Variants in RREB1 observed in about 807,000 individuals in gnomAD.
RREB1 encodes ras-responsive element-binding protein 1.
A neutral mutation model predicts 117.8 loss-of-function variants in RREB1; 27 were observed. The observed-to-expected ratio is 0.23, with a 90% confidence interval of 0.17 to 0.32. RREB1 has a LOEUF of 0.32. RREB1 is among the 10% of genes least tolerant of loss of function. The probability of loss-of-function intolerance (pLI) is 1.00; values close to 1 mark genes in which losing one functional copy is unlikely to be tolerated. For synonymous variants in RREB1, 1,298 were observed against 1,026.7 expected (o/e 1.26, Z -5.05); for missense variants, 2,577 against 2,378.2 (o/e 1.08, Z -1.74).
At position 7,229,731 on chromosome 6, in the gene RREB1, A is replaced by G. The variant is rs781220872; in HGVS notation, c.1632A>G (p.Pro544=). The part of the protein sequence containing the change: ...SPGCISPSLP[P]PPLKLLKGSV... Reference sequence around the variant, plus strand: ...GCTGTATCAGCCCCAGCCTGCCGCCACCGCCCCTGAAGCTCCTCAAAGGCT... The same window carrying G: ...GCTGTATCAGCCCCAGCCTGCCGCCGCCGCCCCTGAAGCTCCTCAAAGGCT... The change falls in exon 10 of 13, where the codon CCA becomes CCG. Residue 544 remains proline (P), a synonymous_variant. Transcript: ENST00000379938. The surrounding 1 kb of genome is among the most constrained non-coding windows in gnomAD (Gnocchi z 4.5). 4.4e-6 allele frequency: 7 copies of G among 1,600,420 alleles called. No homozygotes were observed. The South Asian group carries it at 6.6e-5, about 15-fold the overall frequency.
chr6:7,247,001 C>G lies in RREB1; in HGVS notation c.4551C>G (p.Ala1517=), dbSNP rs200322973. The G allele has an allele frequency of 8.7e-6, 14 of 1,602,780 alleles. No individual in the cohort carries two copies. Among genetic ancestry groups the G allele is most frequent in the Non-Finnish European group, 1.2e-5 (14 of 1,175,074 alleles). The part of the protein sequence containing the change: ...VVESAPGAGE[A]PAEKLAEETE... The stretch of plus-strand genomic sequence containing the variant: ...AGTCGGCCCCGGGTGCCGGGGAGGC[C>G]CCGGCGGAAAAGCTCGCGGAGGAGA... The change falls in exon 12 of 13, where the codon GCC becomes GCG. Residue 1517 remains alanine (A), a synonymous_variant. Coordinates refer to ENST00000379938, the MANE Select transcript of RREB1 (RefSeq NM_001003699.4).
chr6:7,181,105 G>A lies in RREB1; in HGVS notation c.-165-19G>A. The A allele has an allele frequency of 2.5e-6, 1 of 398,350 alleles. No individual in the cohort carries two copies. Among genetic ancestry groups the A allele is most frequent in the Non-Finnish European group, 4.4e-6 (1 of 225,940 alleles). The allele number at this position is 398,350 out of a possible 1,614,324, so 24.7% of individuals were successfully genotyped here. ...CTAAGTGAAAAGATGTTCACTTTGG[G>A]CCTTTGCTTCCCTTCCAGTGTCAAC... On this transcript the variant is annotated intron_variant, in intron 2 of 12. Coordinates refer to ENST00000379938, the MANE Select transcript of RREB1 (RefSeq NM_001003699.4).
chr6:7,126,529 A>G (rs993695476), intron 1 of RREB1, among the ~76,000 whole-genome samples: 3 of 152,182 alleles, frequency 2.0e-5, no homozygotes, highest in Admixed American at 2.0e-4. Flanking sequence ...TCCGCCTCCC[A>G]AAGTGCTGGG....
intron 1 of RREB1, among the ~76,000 whole-genome samples, chr6:7,116,286 G>A (rs1325265296): frequency 6.6e-6 from 1 of 152,056 alleles, no homozygotes; most frequent in African/African-American, 2.4e-5. Context: ...ACTGCCTCCT[G>A]TTGCCTGGAT....
rs1769089887 is a variant in RREB1, at chr6:7,246,832, G to T, written c.4382G>T (p.Gly1461Val). The T allele has an allele frequency of 6.4e-7, 1 of 1,553,318 alleles. No homozygotes were observed. The highest frequency in any genetic ancestry group is 2.4e-5 in the East Asian group (1 of 41,328). The change falls in exon 12 of 13, where the codon GGC becomes GTC. Residue 1461 changes from glycine (G) to valine (V), a missense_variant. Coordinates refer to ENST00000379938, the MANE Select transcript of RREB1 (RefSeq NM_001003699.4). The part of the protein sequence containing the change: ...DTCGKSFKFL[G>V]TLSRHRKAHG... ...TGTGGGAAGAGCTTCAAGTTCCTGG[G>T]CACCCTGAGCCGCCACCGGAAGGCG...
intron 6 of RREB1, among the ~76,000 whole-genome samples, chr6:7,207,074 A>C (rs1218500305): frequency 6.6e-6 from 1 of 152,216 alleles, no homozygotes; most frequent in Admixed American, 6.5e-5. Context: ...ATGGAAAATA[A>C]GAGAGCAAGA....
intron 1 of RREB1, among the ~76,000 whole-genome samples, chr6:7,110,664 A>G (rs1761098082): frequency 6.6e-6 from 1 of 152,236 alleles, no homozygotes; most frequent in East Asian, 1.9e-4. Flanking sequence ...TTACAAAAGA[A>G]AAGGAGAGAA....
At chr6:7,222,252 C>T (rs1767307474) in intron 8 of RREB1, among the ~76,000 whole-genome samples, 1 of 152,116 alleles carries the variant, frequency 6.6e-6, no homozygotes, top group Admixed American at 6.5e-5. Context: ...ATTCTTAGGC[C>T]CATCTTCTAG....
Position 7,229,833 on chromosome 6 carries a change from C to A in RREB1, c.1734C>A (p.Ser578=). 1.2e-6 allele frequency: 2 copies of A among 1,610,412 alleles called. No individual in the cohort carries two copies. Among genetic ancestry groups the A allele is most frequent in the Non-Finnish European group, 1.7e-6 (2 of 1,178,546 alleles). ...AGCCCCACGCGGCCACGCGGCTCTC[C>A]CTGCAGCAGCCGCGGGCGGAGCTGC... ...GTQPHAATRL[S]LQQPRAELPG... The change falls in exon 10 of 13, where the codon TCC becomes TCA. Residue 578 remains serine (S), a synonymous_variant. Coordinates refer to ENST00000379938, the MANE Select transcript of RREB1 (RefSeq NM_001003699.4). The surrounding 1 kb of genome is among the most constrained non-coding windows in gnomAD (Gnocchi z 4.5).
At chr6:7,186,888 C>A (rs1197577021) in intron 4 of RREB1, among the ~76,000 whole-genome samples, 1 of 152,158 alleles carries the variant, frequency 6.6e-6, no homozygotes. Flanking sequence ...CAGTGTTAAG[C>A]AGATGCTAGC....
In RREB1 at chr6:7,187,417, T is replaced by C; in HGVS notation, c.172-17T>C. 3 of 1,517,474 alleles carry C rather than the reference T, an allele frequency of 2.0e-6. No individual in the cohort carries two copies. Among genetic ancestry groups the C allele is most frequent in the Non-Finnish European group, 2.7e-6 (3 of 1,099,436 alleles). The allele number at this position is 1,517,474 out of a possible 1,614,324, so 94.0% of individuals were successfully genotyped here. On this transcript the variant is annotated splice_polypyrimidine_tract_variant and intron_variant, in intron 4 of 12. Coordinates refer to ENST00000379938, the MANE Select transcript of RREB1 (RefSeq NM_001003699.4). ...TGTGAGTTGAAATTTATCTTCCCTT[T>C]TAATCTTTCTTTTTAGGAAACGAAA...
intron 1 of RREB1, among the ~76,000 whole-genome samples, chr6:7,118,828 T>C (rs1761532367): frequency 7.6e-6 from 1 of 131,128 alleles, no homozygotes; most frequent in Non-Finnish European, 1.6e-5. Context: ...TTTTTTTTTT[T>C]TTTAGAGACA....
At chr6:7,145,658 T>G (rs181471935) in intron 1 of RREB1, among the ~76,000 whole-genome samples, 1 of 151,944 alleles carries the variant, frequency 6.6e-6, no homozygotes, top group Admixed American at 6.6e-5. Flanking sequence ...GATTAACCTA[T>G]TTTGCAGGGT....
Position 7,163,793 on chromosome 6 carries a change from A to G in RREB1, c.-284-12862A>G, listed in dbSNP as rs954380905. 2.6e-5 allele frequency among the ~76,000 whole-genome samples: 4 copies of G among 152,352 alleles called. No homozygotes were observed. The East Asian group carries it at 7.7e-4, about 29-fold the overall frequency. Reference sequence around the variant, plus strand: ...TGGACTGCATTTTCTTTGCAGAAGTATAATGAAGCATCTTCAAGGACTTTG... The same window carrying G: ...TGGACTGCATTTTCTTTGCAGAAGTGTAATGAAGCATCTTCAAGGACTTTG... On this transcript the variant is annotated intron_variant, in intron 1 of 12. Transcript: ENST00000379938.
rs776373767 is a variant in RREB1, at chr6:7,229,673, C to G, written c.1574C>G (p.Pro525Arg). 1 of 1,611,850 alleles carries G rather than the reference C, an allele frequency of 6.2e-7. No individual in the cohort carries two copies. Among genetic ancestry groups the G allele is most frequent in the Non-Finnish European group, 8.5e-7 (1 of 1,179,260 alleles). Residue 525 changes from proline to arginine, a missense_variant, in exon 10 of 13, where the codon CCG (proline) becomes CGG (arginine). Transcript: ENST00000379938. This position sits in a 1 kb window ranked among gnomAD's most constrained non-coding sequence, Gnocchi z 4.5. ...PRTVVATSTPPPLINAQQASP... is the reference protein window; with the variant it reads ...PRTVVATSTPRPLINAQQASP... ...ACGGTGGTGGCCACCTCCACGCCCCCGCCTCTCATCAACGCCCAGCAGGCT... is the reference window on the plus strand; with the variant it reads ...ACGGTGGTGGCCACCTCCACGCCCCGGCCTCTCATCAACGCCCAGCAGGCT...
intron 1 of RREB1, among the ~76,000 whole-genome samples, chr6:7,146,002 A>G (rs1002557389): frequency 6.7e-6 from 1 of 150,288 alleles, no homozygotes; most frequent in Non-Finnish European, 1.5e-5. Flanking sequence ...CCTACCCCCT[A>G]CGCCACCTCT....
In RREB1 at chr6:7,114,478, G is replaced by A. The variant is rs552939065; in HGVS notation, c.-285+6418G>A. ...TTTAAGTGTTTCTGGTGGGGGGGGG[G>A]GCGGCAGCGGGGAGCTGCTACTGGC... On this transcript the variant is annotated intron_variant, in intron 1 of 12. Coordinates refer to ENST00000379938, the MANE Select transcript of RREB1 (RefSeq NM_001003699.4). 1.8e-4 allele frequency among the ~76,000 whole-genome samples: 28 copies of A among 151,832 alleles called. No individual in the cohort carries two copies. The South Asian group carries it at 4.2e-3, about 23-fold the overall frequency.
chr6:7,234,397 C>G (rs1182684403), intron 10 of RREB1, among the ~76,000 whole-genome samples: 1 of 152,144 alleles, frequency 6.6e-6, no homozygotes, highest in Non-Finnish European at 1.5e-5. Flanking sequence ...CCCAACCTCC[C>G]CATCTTCCTC....
chr6:7,215,934 A>G (rs2151941), intron 8 of RREB1: 80,559 of 152,006 alleles, frequency 0.53, 22,466 homozygotes, highest in East Asian at 0.8. Context: ...ACGCGGAGCC[A>G]TGTCTTGTGT....
Sources: gnomAD v4.1 joint callset for allele counts (sites outside exome capture counted in the v4.1 genomes callset) on GRCh38, gnomAD v4.1.1 for gene constraint, Gnocchi (gnomAD v3.1) non-coding constraint, MANE v1.5 for transcripts, NCBI Gene and HGNC (gene_info 2026-07-23, HGNC 2026-07-21) for gene names.